KIF2A: variants seen among roughly 807,000 people sequenced by gnomAD.
KIF2A encodes kinesin-like protein KIF2A.
KIF2A carries 22 observed loss-of-function variants against 100.2 expected under a neutral mutation model. The ratio of observed to expected loss-of-function variants is 0.22; its 90% CI spans 0.16 to 0.31. KIF2A has a LOEUF of 0.31. Ranked by LOEUF, KIF2A falls within the 10% of genes least tolerant of loss-of-function variation. The pLI, the probability that KIF2A is intolerant of heterozygous loss-of-function variation, is 1.00. For synonymous variants in KIF2A, 268 were observed against 285.9 expected (o/e 0.94, Z 0.63); for missense variants, 495 against 898.7 (o/e 0.55, Z 5.74).
At chr5:62,307,863 C>G (rs1293885323) in intron 1 of KIF2A, among the ~76,000 whole-genome samples, 1 of 152,176 alleles carries the variant, frequency 6.6e-6, no homozygotes, top group African/African-American at 2.4e-5. Flanking sequence ...AGTGATCCAC[C>G]TGCCTCGGCC....
At chr5:62,368,347 A>G (rs973366453) in intron 16 of KIF2A, among the ~76,000 whole-genome samples, 1 of 152,008 alleles carries the variant, frequency 6.6e-6, no homozygotes, top group Non-Finnish European at 1.5e-5. Flanking sequence ...ACATTACACA[A>G]TGGTATTATA....
chr5:62,379,478 T>C (rs775291089), intron 19 of KIF2A, among the ~76,000 whole-genome samples: 1 of 151,886 alleles, frequency 6.6e-6, no homozygotes, highest in Non-Finnish European at 1.5e-5. Context: ...GCCTGACCAA[T>C]ATGGAGAAAC....
At chr5:62,312,781 G>A (rs796702919) in intron 1 of KIF2A, among the ~76,000 whole-genome samples, 3 of 152,264 alleles carry the variant, frequency 2.0e-5, no homozygotes, top group African/African-American at 7.2e-5. Context: ...CCTTTTAAAA[G>A]TCATGCTTCT....
chr5:62,313,569 G>A (rs562870692), intron 1 of KIF2A, among the ~76,000 whole-genome samples: 11 of 152,102 alleles, frequency 7.2e-5, no homozygotes, highest in Admixed American at 3.3e-4. Context: ...TGGCCAGGCT[G>A]GTCTTGAACT....
At position 62,389,485 on chromosome 5, in the gene KIF2A, C is replaced by CAAAAAAGAAAAAAAA. The variant is rs1742195820; in HGVS notation, c.*3922_*3923insGAAAAAAAAAAAAAA. ...TGGGTGACAGAGCAAGACTCTGTCTCAAAAAAAAAAAAAAAAGAAATGTTA... is the reference window on the plus strand; with the variant it reads ...TGGGTGACAGAGCAAGACTCTGTCTCAAAAAAGAAAAAAAAAAAAAAAAAAAAAAAAGAAATGTTA... On this transcript the variant is annotated 3_prime_UTR_variant, in exon 21 of 21. Transcript: ENST00000407818. Among the ~76,000 whole-genome samples, 1 of 75,912 alleles carries CAAAAAAGAAAAAAAA rather than the reference C, an allele frequency of 1.3e-5. No homozygotes were observed. The highest frequency in any genetic ancestry group is 2.5e-5 in the Non-Finnish European group (1 of 40,690). 49.8% of individuals were successfully genotyped at this position (75,912 alleles called of 152,430 possible). A position where few individuals can be genotyped will look rare whatever the true frequency, so the allele number is the denominator to read the frequency against.
At chr5:62,338,048 G>A (rs1160568587) in intron 1 of KIF2A, among the ~76,000 whole-genome samples, 1 of 152,116 alleles carries the variant, frequency 6.6e-6, no homozygotes, top group Non-Finnish European at 1.5e-5. Flanking sequence ...AGAACAATAA[G>A]ACAGGAGGGC....
intron 20 of KIF2A, among the ~76,000 whole-genome samples, chr5:62,382,129 C>T (rs542881450): frequency 2.0e-5 from 3 of 152,258 alleles, no homozygotes; most frequent in African/African-American, 7.2e-5. Context: ...TAATTTGGGG[C>T]AGTAAATAAG....
At chr5:62,374,645 A>G (rs1394186511) in intron 18 of KIF2A, among the ~76,000 whole-genome samples, 3 of 152,220 alleles carry the variant, frequency 2.0e-5, no homozygotes, top group African/African-American at 7.2e-5. Context: ...TAAATATTAT[A>G]AAGCTTAAAA....
intron 18 of KIF2A, among the ~76,000 whole-genome samples, chr5:62,374,679 G>A (rs1038583300): frequency 4.6e-5 from 7 of 152,008 alleles, no homozygotes; most frequent in Middle Eastern, 3.2e-3. Flanking sequence ...GGTGTCTCAC[G>A]CCTGTAATCC....
In KIF2A at chr5:62,361,550, A is replaced by T. The variant is rs247266; in HGVS notation, c.1027+21A>T. The T allele has an allele frequency of 0.5, 692,519 of 1,388,818 alleles. 177,752 individuals are homozygous for T. The highest frequency in any genetic ancestry group is 0.82 in the African/African-American group (56,753 of 69,030). 86.0% of individuals were successfully genotyped at this position (1,388,818 alleles called of 1,614,324 possible). On this transcript the variant is annotated intron_variant, in intron 11 of 20. Coordinates refer to ENST00000407818, the MANE Select transcript of KIF2A (RefSeq NM_001098511.3). ...AGCAGGTAACTGTCCTTTTTCCATAAAATTTGGAATATTCTTCTGTGGTAT... is the reference window on the plus strand; with the variant it reads ...AGCAGGTAACTGTCCTTTTTCCATATAATTTGGAATATTCTTCTGTGGTAT...
chr5:62,373,876 C>T, intron 18 of KIF2A, 39 bp downstream of exon 18: 1 of 1,485,466 alleles, frequency 6.7e-7, no homozygotes, highest in Non-Finnish European at 9.4e-7. Context: ...AATCTTAGTT[C>T]ATTTCATCAG....
At chr5:62,330,970 TA>T (rs982519032) in intron 1 of KIF2A, among the ~76,000 whole-genome samples, 1 of 152,222 alleles carries the variant, frequency 6.6e-6, no homozygotes, top group Non-Finnish European at 1.5e-5. Flanking sequence ...GTTATATTTT[TA>T]AATTTATCAT....
chr5:62,350,615 C>T (rs1006919331), intron 4 of KIF2A, among the ~76,000 whole-genome samples: 15 of 151,912 alleles, frequency 9.9e-5, no homozygotes, highest in Admixed American at 9.2e-4. Flanking sequence ...GCCAGTAATA[C>T]TGAAAAATGA....
At chr5:62,361,365 G>C (rs1465680990) in intron 10 of KIF2A, 33 bp downstream of exon 10, 8 of 1,507,568 alleles carry the variant, frequency 5.3e-6, no homozygotes, top group Non-Finnish European at 7.4e-6. Flanking sequence ...ATTCTGGTAC[G>C]AAGCTACAGT....
intron 4 of KIF2A, among the ~76,000 whole-genome samples, chr5:62,350,341 G>C (rs1747787657): frequency 1.3e-5 from 2 of 151,712 alleles, no homozygotes; most frequent in Non-Finnish European, 2.9e-5. Context: ...ACATTGGCAT[G>C]AACACAGCTC....
At chr5:62,375,204 T>G (rs1433471038) in intron 18 of KIF2A, among the ~76,000 whole-genome samples, 1 of 152,214 alleles carries the variant, frequency 6.6e-6, no homozygotes, top group Non-Finnish European at 1.5e-5. Flanking sequence ...GCTTTTAATG[T>G]ATTGAGAGGG....
In KIF2A at chr5:62,390,997, T is replaced by C; in HGVS notation, c.*5428T>C. The C allele has an allele frequency of 2.5e-6, 4 of 1,604,852 alleles. No homozygotes were observed. In the Middle Eastern group the frequency reaches 5.0e-4, roughly 202 times the overall value. On this transcript the variant is annotated 3_prime_UTR_variant, in exon 21 of 21. Transcript: ENST00000407818. ...TCTGGTATTATCTATCAATATAAGATTCAGAATAAATGAACGACATATCTT... is the reference window on the plus strand; with the variant it reads ...TCTGGTATTATCTATCAATATAAGACTCAGAATAAATGAACGACATATCTT...
intron 1 of KIF2A, among the ~76,000 whole-genome samples, chr5:62,338,636 A>G (rs948426987): frequency 5.9e-5 from 9 of 152,146 alleles, no homozygotes; most frequent in African/African-American, 1.9e-4. Flanking sequence ...AGGGATCTCA[A>G]TCTTAGGAAA....
Position 62,355,112 on chromosome 5 carries a change from A to G in KIF2A, c.559-47A>G, listed in dbSNP as rs1748035669. 2.7e-5 allele frequency: 23 copies of G among 849,392 alleles called. No individual in the cohort carries two copies. In the South Asian group the frequency reaches 3.3e-4, roughly 12 times the overall value. The allele number at this position is 849,392 out of a possible 1,614,324, so 52.6% of individuals were successfully genotyped here. ...TTCAAACCAAATATAAATGTAACAA[A>G]TACATTATTATATTTATAATGGTGA... is the stretch of plus-strand genomic sequence containing the variant. On this transcript the variant is annotated intron_variant, in intron 6 of 20. Transcript: ENST00000407818.
Sources: gnomAD v4.1 joint callset for allele counts (sites outside exome capture counted in the v4.1 genomes callset) on GRCh38, gnomAD v4.1.1 for gene constraint, MANE v1.5 for transcripts, NCBI Gene and HGNC (gene_info 2026-07-23, HGNC 2026-07-21) for gene names.